Variants in FBXO10 observed in about 807,000 individuals in gnomAD.
FBXO10 encodes F-box protein 10.
FBXO10 carries 39 observed loss-of-function variants against 80.7 expected under a neutral mutation model. The observed-to-expected ratio is 0.48, with a 90% CI of 0.37 to 0.63. FBXO10 has a LOEUF of 0.63. FBXO10 is among the 30% of genes least tolerant of loss of function. FBXO10 has a pLI of 0.00. For missense variants in FBXO10, 1,025 were observed against 1,269.0 expected, an observed-to-expected ratio of 0.81 and a Z score of 2.92; for synonymous variants, 449 against 489.6, an observed-to-expected ratio of 0.92 and a Z score of 1.09.
Position 37,537,270 on chromosome 9 carries a change from G to T in FBXO10, c.1259C>A (p.Ala420Asp). 6.2e-7 allele frequency: 1 copy of T among 1,613,810 alleles called. No homozygotes were observed. The highest frequency in any genetic ancestry group is 1.1e-5 in the South Asian group (1 of 91,086). Reference sequence around the variant, plus strand: ...CTGCACGGAGTTGGCCAGTGCCATGGCCTCCTTATCCTTCTGCAGCTCCTG... The same window carrying T: ...CTGCACGGAGTTGGCCAGTGCCATGTCCTCCTTATCCTTCTGCAGCTCCTG... ...LQQELQKDKE[A>D]MALANSVQGC... Residue 420 changes from alanine (A) to aspartate (D), a missense_variant, in exon 3 of 11, where the codon GCC (alanine) becomes GAC (aspartate). This residue lies in a region of FBXO10 where 478 missense variants were observed against 667.8 expected (regional missense o/e 0.72). Transcript: ENST00000432825.
In FBXO10 at chr9:37,511,370, C is replaced by T. The variant is rs1189369770; in HGVS notation, c.*1177G>A. 6.6e-6 allele frequency: 1 copy of T among 152,596 alleles called. No individual in the cohort carries two copies. The highest frequency in any genetic ancestry group is 1.5e-5 in the Non-Finnish European group (1 of 68,298). 9.5% of individuals were successfully genotyped at this position (152,596 alleles called of 1,614,324 possible). A position where few individuals can be genotyped will look rare whatever the true frequency, so the allele number is the denominator to read the frequency against. ...GTCCTCTGGGAGCTGGCCTTCCTCT[C>T]CTCACTCAGGCCACTAATCCTACCC... On this transcript the variant is annotated 3_prime_UTR_variant, in exon 11 of 11. Coordinates refer to ENST00000432825, the MANE Select transcript of FBXO10 (RefSeq NM_012166.3).
intron 10 of FBXO10, 68 bp from the exon 11 acceptor site, chr9:37,512,789 A>G (rs1564330159): frequency 1.2e-5 from 18 of 1,508,250 alleles, no homozygotes; most frequent in Non-Finnish European, 1.6e-5. Flanking sequence ...TGCCCTGCAC[A>G]GTCTTAACTT....
intron 8 of FBXO10, among the ~76,000 whole-genome samples, chr9:37,519,703 C>G (rs1226612035): frequency 1.3e-5 from 2 of 152,202 alleles, no homozygotes; most frequent in African/African-American, 2.4e-5. Flanking sequence ...AACCTCTGAC[C>G]TGGGAGGAGA....
intron 3 of FBXO10, among the ~76,000 whole-genome samples, chr9:37,532,741 G>A (rs1217120251): frequency 1.3e-5 from 2 of 152,236 alleles, no homozygotes; most frequent in Non-Finnish European, 2.9e-5. Flanking sequence ...GGGATAGAAA[G>A]GACGCTTAGG....
At chr9:37,530,549 AC>A (rs1266783145) in intron 4 of FBXO10, among the ~76,000 whole-genome samples, 7 of 152,182 alleles carry the variant, frequency 4.6e-5, no homozygotes, top group Non-Finnish European at 8.8e-5. Flanking sequence ...TGCATCAACC[AC>A]CAGCTGCATG....
chr9:37,524,483 C>T (rs111363946), intron 6 of FBXO10, among the ~76,000 whole-genome samples: 5,048 of 152,266 alleles, frequency 0.033, 96 homozygotes, highest in Middle Eastern at 0.071. Flanking sequence ...ATTCCCTGGA[C>T]CAGTATTTGC....
intron 1 of FBXO10, among the ~76,000 whole-genome samples, chr9:37,570,582 G>C (rs1414023259): frequency 1.3e-5 from 2 of 152,048 alleles, no homozygotes; most frequent in Non-Finnish European, 2.9e-5. Flanking sequence ...GATGATAAGA[G>C]CAGGTTCTCT....
chr9:37,516,960 C>CAAA (rs56108001), intron 9 of FBXO10, among the ~76,000 whole-genome samples: 54 of 112,392 alleles, frequency 4.8e-4, no homozygotes, highest in South Asian at 1.9e-3. Context: ...AACTCCATCT[C>CAAA]AAAAAAAAAA....
chr9:37,559,331 C>T (rs1822419180), intron 1 of FBXO10, among the ~76,000 whole-genome samples: 1 of 152,304 alleles, frequency 6.6e-6, no homozygotes, highest in Middle Eastern at 3.4e-3. Context: ...GATGCAGCAT[C>T]CTTCTTCCTC....
At chr9:37,547,531 A>C (rs75117363) in intron 1 of FBXO10, among the ~76,000 whole-genome samples, 3,985 of 152,350 alleles carry the variant, frequency 0.026, 69 homozygotes, top group Middle Eastern at 0.065. Context: ...GGATCACTTA[A>C]GCCCAGGAAA....
Position 37,571,429 on chromosome 9 carries a change from T to C in FBXO10, c.-7+4782A>G, listed in dbSNP as rs548973683. Among the ~76,000 whole-genome samples, 3 of 152,264 alleles carry C rather than the reference T, an allele frequency of 2.0e-5. No individual in the cohort carries two copies. The East Asian group carries it at 5.8e-4, about 29-fold the overall frequency. ...TATCTGTATGGTACAAGAAGTGGACTGTGGAGAATACTACTGGTTCCATCC... is the reference window on the plus strand; with the variant it reads ...TATCTGTATGGTACAAGAAGTGGACCGTGGAGAATACTACTGGTTCCATCC... On this transcript the variant is annotated intron_variant, in intron 1 of 10. Coordinates refer to ENST00000432825, the MANE Select transcript of FBXO10 (RefSeq NM_012166.3).
At chr9:37,540,180 C>CAT (rs1376960462) in intron 2 of FBXO10, among the ~76,000 whole-genome samples, 2 of 151,556 alleles carry the variant, frequency 1.3e-5, no homozygotes, top group Admixed American at 6.6e-5. Flanking sequence ...TTTTAAAAAT[C>CAT]ATATATATAT....
intron 1 of FBXO10, among the ~76,000 whole-genome samples, chr9:37,549,445 T>C (rs988732057): frequency 6.6e-6 from 1 of 152,188 alleles, no homozygotes; most frequent in African/African-American, 2.4e-5. Context: ...TAAAAGCCTC[T>C]CTGTGTCCCC....
chr9:37,516,273 A>G (rs1821176797), intron 9 of FBXO10, among the ~76,000 whole-genome samples, 188 bp from the exon 10 acceptor site: 1 of 152,196 alleles, frequency 6.6e-6, no homozygotes, highest in Non-Finnish European at 1.5e-5. Flanking sequence ...TTCCTGGAAG[A>G]GGTGATAGGT....
chr9:37,515,318 G>T (rs117532952), intron 10 of FBXO10: 2,401 of 152,982 alleles, frequency 0.016, 32 homozygotes, highest in Non-Finnish European at 0.022. Context: ...GGAAGAGGAG[G>T]TGCTGGAAAA....
chr9:37,525,866 T>C (rs1223259968), intron 5 of FBXO10, among the ~76,000 whole-genome samples: 2 of 152,094 alleles, frequency 1.3e-5, no homozygotes, highest in Non-Finnish European at 2.9e-5. Flanking sequence ...AACCCTCAAA[T>C]GTTTGAACCA....
intron 1 of FBXO10, among the ~76,000 whole-genome samples, chr9:37,552,623 C>T (rs1290391025): frequency 6.9e-6 from 1 of 144,628 alleles, no homozygotes; most frequent in East Asian, 2.0e-4. Flanking sequence ...ACCCAGGAGG[C>T]AGAGCTGGCA....
chr9:37,574,438 C>T (rs188033395), intron 1 of FBXO10, among the ~76,000 whole-genome samples: 39 of 152,278 alleles, frequency 2.6e-4, no homozygotes, highest in Non-Finnish European at 1.5e-5. Context: ...ACCACGGCAA[C>T]CAAAATGATG....
intron 6 of FBXO10, among the ~76,000 whole-genome samples, chr9:37,524,762 C>T (rs370492554): frequency 2.0e-5 from 3 of 152,106 alleles, no homozygotes; most frequent in Non-Finnish European, 4.4e-5. Context: ...AGGGGTTAGC[C>T]GGGCGGAGGT....
Sources: gnomAD v4.1 joint callset for allele counts (sites outside exome capture counted in the v4.1 genomes callset) on GRCh38, gnomAD v4.1.1 for gene constraint, gnomAD v4.1.1 regional missense constraint, MANE v1.5 for transcripts, NCBI Gene and HGNC (gene_info 2026-07-23, HGNC 2026-07-21) for gene names.